HIPK1: variants seen among roughly 807,000 people sequenced by gnomAD.
HIPK1 encodes homeodomain interacting protein kinase 1.
HIPK1 carries 28 observed loss-of-function variants against 117.1 expected under a neutral mutation model. That is an observed-to-expected ratio of 0.24 (90% CI 0.18 to 0.33). The LOEUF (loss-of-function observed/expected upper bound fraction) is 0.33, where lower values mean the gene tolerates loss of function less well. Ranked by LOEUF, HIPK1 falls within the 10% of genes least tolerant of loss-of-function variation. The probability of loss-of-function intolerance (pLI) is 1.00; values close to 1 mark genes in which losing one functional copy is unlikely to be tolerated. For missense variants in HIPK1, 1,122 were observed against 1,475.1 expected, an observed-to-expected ratio of 0.76 and a Z score of 3.92; for synonymous variants, 605 against 562.5, an observed-to-expected ratio of 1.08 and a Z score of -1.07.
Position 113,973,378 on chromosome 1 carries a change from T to A in HIPK1, c.3499T>A (p.Ser1167Thr), listed in dbSNP as rs551627152. The part of the protein sequence containing the change: ...PVSVGPSLLT[S>T]ASVAPAQYQH... ...CAGTGTTGGGCCCAGCCTCCTCACT[T>A]CTGCCAGCGTGGCCCCTGCTCAGTA... The change falls in exon 16 of 16, where the codon TCT (serine) becomes ACT (threonine). Residue 1167 changes from serine to threonine, a missense_variant. Ser to Thr is a moderately conservative substitution (Grantham distance 58). Around this residue, in one of 6 missense-constraint regions of HIPK1, gnomAD observed 731 missense variants for 860.4 expected, o/e 0.85. Transcript: ENST00000426820. 7.9e-5 allele frequency: 128 copies of A among 1,613,986 alleles called. No homozygotes were observed. Among genetic ancestry groups the A allele is most frequent in the Non-Finnish European group, 1.0e-4 (121 of 1,180,012 alleles).
In HIPK1 at chr1:113,954,747, G is replaced by A. The variant is rs769564594; in HGVS notation, c.1297G>A (p.Gly433Arg). The A allele has an allele frequency of 2.5e-5, 41 of 1,613,918 alleles. No homozygotes were observed. The highest frequency in any genetic ancestry group is 3.1e-5 in the Non-Finnish European group (37 of 1,179,948). Reference protein sequence around the residue: ...TRFFNRDPNLGYPLWRLKTPE... With the variant: ...TRFFNRDPNLRYPLWRLKTPE... Reference sequence around the variant, plus strand: ...GTTTTTCAACAGAGATCCTAATTTGGGGTACCCACTGTGGAGGCTTAAGGT... The same window carrying A: ...GTTTTTCAACAGAGATCCTAATTTGAGGTACCCACTGTGGAGGCTTAAGGT... The change falls in exon 4 of 16, where the codon GGG becomes AGG. Residue 433 changes from glycine to arginine, a missense_variant. Around this residue, in one of 6 missense-constraint regions of HIPK1, gnomAD observed 127 missense variants for 197.9 expected, o/e 0.64. Coordinates refer to ENST00000426820, the MANE Select transcript of HIPK1 (RefSeq NM_198268.3).
At chr1:113,929,982 T>C in intron 1 of HIPK1, 1 of 985,254 alleles carries the variant, frequency 1.0e-6, no homozygotes, top group Non-Finnish European at 1.2e-6. Flanking sequence ...GGGGAGCGAC[T>C]TCCCCTCAGC....
At chr1:113,972,156 AG>A in intron 15 of HIPK1, 1 of 1,446,934 alleles carries the variant, frequency 6.9e-7, no homozygotes, top group East Asian at 2.6e-5. Context: ...TGTACATTCT[AG>A]GTTTTCCATC....
At chr1:113,966,572 T>C (rs1315244136) in intron 11 of HIPK1, among the ~76,000 whole-genome samples, 2 of 152,300 alleles carry the variant, frequency 1.3e-5, no homozygotes, top group East Asian at 3.9e-4. Context: ...ACTTTATCTT[T>C]TATAATGAAA....
At chr1:113,938,965 T>TACACACACACACACACACAC (rs1558126082) in intron 1 of HIPK1, among the ~76,000 whole-genome samples, 22 of 109,320 alleles carry the variant, frequency 2.0e-4, no homozygotes, top group East Asian at 9.5e-4. Flanking sequence ...CACACACACT[T>TACACACACACACACACACAC]AGGAGATGGA....
rs1672603368 is a variant in HIPK1, at chr1:113,968,490, C to A, written c.2613C>A (p.Ser871Arg). 1 of 1,613,934 alleles carries A rather than the reference C, an allele frequency of 6.2e-7. No homozygotes were observed. Among genetic ancestry groups the A allele is most frequent in the Non-Finnish European group, 8.5e-7 (1 of 1,179,910 alleles). Residue 871 changes from serine (S) to arginine (R), a missense_variant, in exon 13 of 16, where the codon AGC becomes AGA. Ser to Arg is a moderately radical substitution (Grantham distance 110, BLOSUM62 -1). Coordinates refer to ENST00000426820, the MANE Select transcript of HIPK1 (RefSeq NM_198268.3). ...LPSQVYSLVG[S>R]SPLRTTSSYN... The stretch of plus-strand genomic sequence containing the variant: ...CCCAAGTCTATTCTCTGGTTGGGAG[C>A]AGTCCCCTCCGCACCACATCTTCTT...
intron 12 of HIPK1, 37 bp from the exon 13 acceptor site, chr1:113,968,405 G>C: frequency 1.4e-6 from 2 of 1,465,206 alleles, no homozygotes; most frequent in Non-Finnish European, 1.9e-6. Context: ...GGAAGGCCAA[G>C]GACTGAATCA....
rs139836391 is a variant in HIPK1 at position 113,947,685 on chromosome 1, T to C, written c.1077-5081T>C. ...GAAGAATTTTTCAACTTAAAGAAGT[T>C]TGAAGTTGGGGAATCAAAAGGCAGG... On this transcript the variant is annotated intron_variant, in intron 2 of 15. Coordinates refer to ENST00000426820, the MANE Select transcript of HIPK1 (RefSeq NM_198268.3). 4.7e-4 allele frequency among the ~76,000 whole-genome samples: 71 copies of C among 152,314 alleles called. 1 individual carries two copies. The East Asian group carries it at 0.013, about 27-fold the overall frequency.
intron 3 of HIPK1, among the ~76,000 whole-genome samples, chr1:113,953,117 A>T (rs1038103833): frequency 6.6e-6 from 1 of 152,216 alleles, no homozygotes; most frequent in East Asian, 1.9e-4. Context: ...ATTTTATATT[A>T]AGGTTGATAC....
chr1:113,932,634 C>T (rs1313225638), intron 1 of HIPK1, among the ~76,000 whole-genome samples: 2 of 152,088 alleles, frequency 1.3e-5, no homozygotes, highest in Non-Finnish European at 2.9e-5. Context: ...CTGCCTCGGC[C>T]TCCCAAAGTG....
intron 1 of HIPK1, among the ~76,000 whole-genome samples, chr1:113,934,784 GAAAAAA>G: frequency 1.9e-5 from 1 of 51,552 alleles, no homozygotes; most frequent in Non-Finnish European, 3.7e-5. Flanking sequence ...CCTCATCTCT[GAAAAAA>G]AAAAAAAAAA....
Position 113,929,467 on chromosome 1 carries a change from G to A in HIPK1, c.-68G>A. 2 of 1,289,392 alleles carry A rather than the reference G, an allele frequency of 1.6e-6. No homozygotes were observed. Among genetic ancestry groups the A allele is most frequent in the Non-Finnish European group, 2.0e-6 (2 of 988,854 alleles). The allele number at this position is 1,289,392 out of a possible 1,614,324, so 79.9% of individuals were successfully genotyped here. On this transcript the variant is annotated 5_prime_UTR_variant, in exon 1 of 16. Transcript: ENST00000426820. ...GAGGCCCACCTACTCGAGGCCCACC[G>A]ACTCCTACTGCAATCAGTACTATGC...
chr1:113,939,476 G>C (rs1571656326), intron 1 of HIPK1, among the ~76,000 whole-genome samples: 1 of 151,972 alleles, frequency 6.6e-6, no homozygotes, highest in African/African-American at 2.4e-5. Context: ...AAGGTGGGGT[G>C]GAGGCTCGTA....
rs1457739876 is a variant in HIPK1 at position 113,957,216 on chromosome 1, A to G, written c.1685A>G (p.His562Arg). 6.2e-7 allele frequency: 1 copy of G among 1,613,794 alleles called. No homozygotes were observed. Reference sequence around the variant, plus strand: ...CAGATCAAGAGTCCCTTCACTACACATGTTGCCCCAAATACAAGCACAAAT... The same window carrying G: ...CAGATCAAGAGTCCCTTCACTACACGTGTTGCCCCAAATACAAGCACAAAT... ...VSQIKSPFTT[H>R]VAPNTSTNLT... is the part of the protein sequence containing the mutation. The change falls in exon 7 of 16, where the codon CAT becomes CGT. Residue 562 changes from histidine to arginine, a missense_variant. Physicochemically the swap from His to Arg is conservative, Grantham distance 29. Coordinates refer to ENST00000426820, the MANE Select transcript of HIPK1 (RefSeq NM_198268.3).
intron 1 of HIPK1, among the ~76,000 whole-genome samples, chr1:113,932,592 T>C (rs1400573091): frequency 6.6e-6 from 1 of 152,034 alleles, no homozygotes; most frequent in African/African-American, 2.4e-5. Flanking sequence ...TTGGCCAGGC[T>C]GGTCTCAGAC....
intron 8 of HIPK1, 120 bp downstream of exon 8, chr1:113,958,411 C>G (rs889798391): frequency 2.9e-6 from 2 of 678,810 alleles, no homozygotes; most frequent in African/African-American, 1.8e-5. Context: ...AAGAAGGTAA[C>G]TAAAATTGGG....
intron 8 of HIPK1, 146 bp downstream of exon 8, chr1:113,958,437 G>T: frequency 1.6e-6 from 1 of 607,620 alleles, no homozygotes; most frequent in South Asian, 2.1e-5. Flanking sequence ...TCACAAAATG[G>T]ATTTTCTCTT....
intron 1 of HIPK1, among the ~76,000 whole-genome samples, chr1:113,939,310 G>A (rs1670483881): frequency 6.7e-6 from 1 of 148,416 alleles, no homozygotes. Flanking sequence ...CACCATGCCT[G>A]GCTAACTTTT....
chr1:113,965,918 A>T (rs1461107803), intron 10 of HIPK1, among the ~76,000 whole-genome samples: 1 of 152,168 alleles, frequency 6.6e-6, no homozygotes, highest in African/African-American at 2.4e-5. Flanking sequence ...TGGTCAGGTT[A>T]TGGGGGTGAG....
Sources: gnomAD v4.1 joint callset for allele counts (sites outside exome capture counted in the v4.1 genomes callset) on GRCh38, gnomAD v4.1.1 for gene constraint, gnomAD v4.1.1 regional missense constraint, MANE v1.5 for transcripts, NCBI Gene and HGNC (gene_info 2026-07-23, HGNC 2026-07-21) for gene names.